Variants in SLC39A11 observed in about 807,000 individuals in gnomAD.
SLC39A11 encodes zinc transporter ZIP11.
In SLC39A11, 33 loss-of-function variants were observed where a neutral mutation model predicts 36.1. The observed-to-expected ratio is 0.91, with a 90% confidence interval of 0.69 to 1.22. The LOEUF (loss-of-function observed/expected upper bound fraction) is 1.22. SLC39A11 is among the 50% of genes most tolerant of loss of function. SLC39A11 has a pLI of 0.00. For missense variants in SLC39A11, 432 were observed against 430.3 expected, an observed-to-expected ratio of 1.00 and a Z score of -0.03; for synonymous variants, 166 against 170.3, an observed-to-expected ratio of 0.97 and a Z score of 0.20.
intron 7 of SLC39A11, among the ~76,000 whole-genome samples, chr17:72,650,174 G>A (rs1017588432): frequency 6.6e-6 from 1 of 152,202 alleles, no homozygotes; most frequent in East Asian, 1.9e-4. Flanking sequence ...TGGCACCATC[G>A]CTGCATTTCT....
At chr17:72,889,080 C>T (rs1404409105) in intron 5 of SLC39A11, among the ~76,000 whole-genome samples, 1 of 152,026 alleles carries the variant, frequency 6.6e-6, no homozygotes, top group Non-Finnish European at 1.5e-5. Context: ...TCTATTTGCC[C>T]ATTTTAAAAG....
intron 5 of SLC39A11, among the ~76,000 whole-genome samples, chr17:72,929,224 G>A (rs999614143): frequency 2.0e-5 from 3 of 152,230 alleles, no homozygotes; most frequent in East Asian, 1.9e-4. Context: ...GCCCTCTAGC[G>A]ACCATCAGAA....
intron 7 of SLC39A11, among the ~76,000 whole-genome samples, chr17:72,657,673 C>T (rs1194854469): frequency 1.3e-5 from 2 of 152,118 alleles, no homozygotes; most frequent in African/African-American, 4.8e-5. Flanking sequence ...TGGCACAGTC[C>T]CCAGATAACT....
At chr17:72,720,053 C>T (rs932614014) in intron 7 of SLC39A11, among the ~76,000 whole-genome samples, 3 of 152,168 alleles carry the variant, frequency 2.0e-5, no homozygotes, top group Non-Finnish European at 4.4e-5. Context: ...CGACCCTTGC[C>T]GTCGACACCC....
At position 72,819,190 on chromosome 17, in the gene SLC39A11, G is replaced by GC. The variant is rs781602726; in HGVS notation, c.601+30443dup. ...ATGAGATCATAATGGAGTAGGGTGG[G>GC]CCCTTAATCCAATATTAAAAGTGTC... On this transcript the variant is annotated intron_variant, in intron 6 of 9. Transcript: ENST00000255559. Among the ~76,000 whole-genome samples the GC allele has an allele frequency of 2.1e-5, 3 of 143,680 alleles. 1 individual carries two copies. Among genetic ancestry groups the GC allele is most frequent in the Non-Finnish European group, 4.8e-5 (3 of 62,066 alleles). The allele number at this position is 143,680 out of a possible 152,430, so 94.3% of individuals were successfully genotyped here.
At chr17:73,039,763 A>G (rs999715317) in intron 3 of SLC39A11, among the ~76,000 whole-genome samples, 8 of 152,218 alleles carry the variant, frequency 5.3e-5, no homozygotes, top group Non-Finnish European at 7.3e-5. Context: ...GTCTACTGAT[A>G]GAATCACAGA....
intron 3 of SLC39A11, among the ~76,000 whole-genome samples, chr17:73,071,060 T>C (rs1383180495): frequency 6.6e-6 from 1 of 152,086 alleles, no homozygotes; most frequent in Admixed American, 6.5e-5. Context: ...TTCAAGGCAT[T>C]GGGGTTTTTT....
At chr17:73,008,832 T>A (rs962573726) in intron 4 of SLC39A11, among the ~76,000 whole-genome samples, 2 of 151,290 alleles carry the variant, frequency 1.3e-5, no homozygotes, top group African/African-American at 4.9e-5. Context: ...TGTGGAAGGA[T>A]CACTTGGGCC....
At chr17:72,812,377 G>A (rs1396516362) in intron 6 of SLC39A11, among the ~76,000 whole-genome samples, 1 of 152,098 alleles carries the variant, frequency 6.6e-6, no homozygotes, top group Non-Finnish European at 1.5e-5. Context: ...TAAAAATTAA[G>A]GTACATTTGA....
At chr17:72,853,943 G>A (rs2079504010) in intron 5 of SLC39A11, among the ~76,000 whole-genome samples, 2 of 152,112 alleles carry the variant, frequency 1.3e-5, no homozygotes, top group African/African-American at 4.8e-5. Flanking sequence ...AGAACCTCGT[G>A]AGGTTTCTTG....
intron 6 of SLC39A11, among the ~76,000 whole-genome samples, chr17:72,793,195 G>C (rs1212875847): frequency 6.6e-6 from 1 of 152,122 alleles, no homozygotes; most frequent in Non-Finnish European, 1.5e-5. Flanking sequence ...ATGGGCTTAT[G>C]GCAAAGCACC....
At chr17:72,807,810 G>C (rs1476497437) in intron 6 of SLC39A11, among the ~76,000 whole-genome samples, 1 of 152,150 alleles carries the variant, frequency 6.6e-6, no homozygotes, top group Non-Finnish European at 1.5e-5. Context: ...TGAGTTCTGT[G>C]AGCCATTCTA....
chr17:73,090,064 G>A (rs2060875130), intron 1 of SLC39A11, among the ~76,000 whole-genome samples: 1 of 152,162 alleles, frequency 6.6e-6, no homozygotes, highest in Non-Finnish European at 1.5e-5. Context: ...GGGCTGGCTG[G>A]ACACAACCAC....
At chr17:73,020,690 T>TTTTC (rs2058316281) in intron 4 of SLC39A11, among the ~76,000 whole-genome samples, 1 of 126,056 alleles carries the variant, frequency 7.9e-6, no homozygotes, top group African/African-American at 3.4e-5. Context: ...CTTTTTTTTT[T>TTTTC]TTTTTTTTTT....
chr17:72,810,669 G>A (rs2077406256), intron 6 of SLC39A11, among the ~76,000 whole-genome samples: 2 of 152,028 alleles, frequency 1.3e-5, no homozygotes, highest in Admixed American at 6.6e-5. Flanking sequence ...GTGGTTATAT[G>A]GGATATACAT....
intron 5 of SLC39A11, among the ~76,000 whole-genome samples, chr17:72,854,936 A>G (rs1220931088): frequency 1.3e-5 from 2 of 152,202 alleles, no homozygotes; most frequent in African/African-American, 4.8e-5. Flanking sequence ...GCCACAAAAC[A>G]TCATAGGATG....
At chr17:72,656,529 G>A (rs1196225340) in intron 7 of SLC39A11, among the ~76,000 whole-genome samples, 1 of 152,066 alleles carries the variant, frequency 6.6e-6, no homozygotes. Flanking sequence ...AGGAGACGGG[G>A]GAGGCGGGAA....
rs35812666 is a variant in SLC39A11 at position 72,894,499 on chromosome 17, TAAAAA to T, written c.431-44700_431-44696del. On this transcript the variant is annotated intron_variant, in intron 5 of 9. Coordinates refer to ENST00000255559, the MANE Select transcript of SLC39A11 (RefSeq NM_139177.4). ...TAACATGGTGAAACCTCATCCCTACTAAAAAAAAAAAAAAAAAAAAATTAGCCGGG... is the reference window on the plus strand; with the variant it reads ...TAACATGGTGAAACCTCATCCCTACTAAAAAAAAAAAAAAAATTAGCCGGG... Among the ~76,000 whole-genome samples, 7 of 110,524 alleles carry T rather than the reference TAAAAA, an allele frequency of 6.3e-5. No individual in the cohort carries two copies. The East Asian group carries it at 1.5e-3, about 24-fold the overall frequency. The allele number at this position is 110,524 out of a possible 152,430, so 72.5% of individuals were successfully genotyped here. A position where few individuals can be genotyped will look rare whatever the true frequency, so the allele number is the denominator to read the frequency against.
chr17:72,860,063 A>C (rs2079892798), intron 5 of SLC39A11, among the ~76,000 whole-genome samples: 1 of 148,216 alleles, frequency 6.7e-6, no homozygotes, highest in African/African-American at 2.5e-5. Context: ...GAAAGAAAAG[A>C]AAGAGAACAC....
Sources: gnomAD v4.1 joint callset for allele counts (sites outside exome capture counted in the v4.1 genomes callset) on GRCh38, gnomAD v4.1.1 for gene constraint, MANE v1.5 for transcripts, NCBI Gene and HGNC (gene_info 2026-07-23, HGNC 2026-07-21) for gene names.